The following MROH9 variants were observed in gnomAD, a reference collection of about 807,000 sequenced individuals.
The protein encoded by MROH9 is maestro heat like repeat family member 9.
In MROH9, 92 loss-of-function variants were observed where a neutral mutation model predicts 98.2. The observed-to-expected ratio is 0.94, with a 90% CI of 0.79 to 1.11. MROH9 has a LOEUF of 1.11. Among genes scored for constraint, MROH9 ranks in the 50% most tolerant of loss-of-function variants. The pLI is 0.00. For synonymous variants in MROH9, 397 were observed against 368.9 expected, an observed-to-expected ratio of 1.08 and a Z score of -0.87; for missense variants, 1,057 against 1,014.8, an observed-to-expected ratio of 1.04 and a Z score of -0.57.
chr1:171,024,672 C>G lies in MROH9; in HGVS notation c.2085C>G (p.Ile695Met). Residue 695 changes from isoleucine (I) to methionine (M), a missense_variant, in exon 19 of 22, where the codon ATC becomes ATG. Transcript: ENST00000367759. ...VAEACKYTLKICTSQLKWSTS... is the reference protein window; with the variant it reads ...VAEACKYTLKMCTSQLKWSTS... ...AGGCATGTAAATATACATTAAAAAT[C>G]TGTACCTCACAATTAAAGTGGTCAA... 6.4e-7 allele frequency: 1 copy of G among 1,550,840 alleles called. No individual in the cohort carries two copies. The highest frequency in any genetic ancestry group is 8.7e-7 in the Non-Finnish European group (1 of 1,146,408).
chr1:170,938,997 A>G (rs1263105387), intron 1 of MROH9, among the ~76,000 whole-genome samples: 1 of 152,216 alleles, frequency 6.6e-6, no homozygotes, highest in Non-Finnish European at 1.5e-5. Context: ...CTATTGGGTG[A>G]TGACACTAGT....
chr1:170,942,368 G>GACACACACAC (rs10529238), intron 1 of MROH9, among the ~76,000 whole-genome samples: 2 of 144,952 alleles, frequency 1.4e-5, no homozygotes, highest in African/African-American at 2.6e-5. Context: ...ATGTAGAGTA[G>GACACACACAC]ACACACACAC....
chr1:170,959,550 A>C lies in MROH9; in HGVS notation c.241A>C (p.Lys81Gln), dbSNP rs1275893595. 6.2e-7 allele frequency: 1 copy of C among 1,613,874 alleles called. No homozygotes were observed. The highest frequency in any genetic ancestry group is 2.2e-5 in the East Asian group (1 of 44,854). The change falls in exon 5 of 22, where the codon AAA becomes CAA. Residue 81 changes from lysine (K) to glutamine (Q), a missense_variant. Physicochemically the swap from Lys to Gln is moderately conservative, Grantham distance 53. Coordinates refer to ENST00000367759, the MANE Select transcript of MROH9 (RefSeq NM_001163629.2). The stretch of plus-strand genomic sequence containing the variant: ...GCTAGTTGTCATGCCAAGTCTTGAC[A>C]AAGTAAAAGAAATGGGGAGCAGTTA... ...GMLVVMPSLD[K>Q]VKEMGSSYEY... is the part of the protein sequence containing the mutation.
At chr1:171,038,816 T>C (rs1012355241) in intron 20 of MROH9, among the ~76,000 whole-genome samples, 2 of 152,148 alleles carry the variant, frequency 1.3e-5, no homozygotes, top group Admixed American at 6.5e-5. Flanking sequence ...GAAATATAGT[T>C]ATTTAAATGG....
chr1:171,053,144 T>C (rs896710094), intron 20 of MROH9, among the ~76,000 whole-genome samples: 1 of 152,154 alleles, frequency 6.6e-6, no homozygotes, highest in African/African-American at 2.4e-5. Flanking sequence ...CCAATTTCAG[T>C]GCCTATCTCT....
chr1:170,980,868 C>T (rs1002810817), intron 8 of MROH9, among the ~76,000 whole-genome samples: 1 of 152,032 alleles, frequency 6.6e-6, no homozygotes, highest in African/African-American at 2.4e-5. Context: ...GCAATCTATC[C>T]ATGTGACAAA....
chr1:170,988,220 T>C (rs1651223772), intron 10 of MROH9, among the ~76,000 whole-genome samples: 1 of 152,210 alleles, frequency 6.6e-6, no homozygotes, highest in Non-Finnish European at 1.5e-5. Flanking sequence ...GATGGTGACA[T>C]GAGGAATGAA....
intron 4 of MROH9, 98 bp downstream of exon 4, chr1:170,958,638 C>T: frequency 2.6e-6 from 2 of 782,944 alleles, no homozygotes; most frequent in South Asian, 2.1e-5. Context: ...AGAAATTACT[C>T]CAAACTTCAC....
intron 8 of MROH9, among the ~76,000 whole-genome samples, chr1:170,979,731 C>G (rs985316524): frequency 6.6e-6 from 1 of 152,080 alleles, no homozygotes; most frequent in African/African-American, 2.4e-5. Context: ...AACTACATAT[C>G]TGATAAAAGA....
intron 20 of MROH9, among the ~76,000 whole-genome samples, chr1:171,051,722 G>T (rs1447489238): frequency 6.6e-6 from 1 of 152,134 alleles, no homozygotes; most frequent in African/African-American, 2.4e-5. Context: ...TGCACATCCT[G>T]CACATGTATC....
At chr1:171,004,405 G>T (rs1047853075) in intron 15 of MROH9, among the ~76,000 whole-genome samples, 2 of 150,676 alleles carry the variant, frequency 1.3e-5, no homozygotes, top group Non-Finnish European at 3.0e-5. Context: ...TGGGGACCCA[G>T]TGAACTCCCA....
chr1:170,995,322 T>TCA, intron 12 of MROH9, 67 bp from the exon 13 acceptor site: 1 of 1,574,582 alleles, frequency 6.4e-7, no homozygotes, highest in Non-Finnish European at 8.7e-7. Context: ...CTTGCTCCCC[T>TCA]CAGTAAGGTT....
intron 8 of MROH9, among the ~76,000 whole-genome samples, chr1:170,972,272 A>C (rs75447494): frequency 0.056 from 8,539 of 152,216 alleles, 793 homozygotes; most frequent in African/African-American, 0.19. Flanking sequence ...GGAGAAAAAT[A>C]AGACTAGGAT....
At chr1:170,981,968 G>T (rs1650948414) in intron 8 of MROH9, among the ~76,000 whole-genome samples, 1 of 152,086 alleles carries the variant, frequency 6.6e-6, no homozygotes, top group Non-Finnish European at 1.5e-5. Flanking sequence ...GATGTCACTG[G>T]AGCTCACATA....
At chr1:171,002,035 T>C (rs1223488779) in intron 15 of MROH9, among the ~76,000 whole-genome samples, 1 of 152,232 alleles carries the variant, frequency 6.6e-6, no homozygotes, top group Non-Finnish European at 1.5e-5. Flanking sequence ...TTAAAGTTTA[T>C]TTTGTCTGAT....
rs181699655 is a variant in MROH9, at chr1:171,023,175, C to G, written c.1909-1220C>G. Among the ~76,000 whole-genome samples, 730 of 152,262 alleles carry G rather than the reference C, an allele frequency of 4.8e-3. 6 individuals are homozygous for G. Among genetic ancestry groups the G allele is most frequent in the African/African-American group, 0.017 (709 of 41,562 alleles). On this transcript the variant is annotated intron_variant, in intron 17 of 21. Coordinates refer to ENST00000367759, the MANE Select transcript of MROH9 (RefSeq NM_001163629.2). ...TTAAAAGCTGCAGTGAGCTATGATC[C>G]TGCCCCTGCACTCTAGCCTGGGCAA... is the stretch of plus-strand genomic sequence containing the variant.
intron 20 of MROH9, among the ~76,000 whole-genome samples, chr1:171,056,670 A>G (rs914333539): frequency 3.9e-5 from 6 of 152,158 alleles, no homozygotes; most frequent in Non-Finnish European, 4.4e-5. Context: ...CATGCCACCC[A>G]ACTGGGTGAC....
intron 20 of MROH9, among the ~76,000 whole-genome samples, chr1:171,058,562 A>G (rs986916999): frequency 6.6e-6 from 1 of 152,210 alleles, no homozygotes; most frequent in Non-Finnish European, 1.5e-5. Flanking sequence ...AGCAGGAAGA[A>G]CAAAGCTGGA....
At chr1:171,029,506 A>T (rs1031758117) in intron 20 of MROH9, among the ~76,000 whole-genome samples, 8 of 152,194 alleles carry the variant, frequency 5.3e-5, no homozygotes, top group Non-Finnish European at 7.4e-5. Flanking sequence ...ACTTGAAGGG[A>T]TGTTGAATTT....
Sources: allele counts gnomAD v4.1 joint callset (sites outside exome capture counted in the v4.1 genomes callset), GRCh38; gene constraint gnomAD v4.1.1; transcripts MANE v1.5; gene names NCBI Gene and HGNC (gene_info 2026-07-23, HGNC 2026-07-21).